SGSM1: variants seen among roughly 807,000 people sequenced by gnomAD.
The protein encoded by SGSM1 is small G protein signaling modulator 1.
Under a neutral mutation model 133.8 loss-of-function variants are expected in SGSM1, and 73 were observed. The ratio of observed to expected loss-of-function variants is 0.55; its 90% confidence interval spans 0.45 to 0.66. The LOEUF (loss-of-function observed/expected upper bound fraction) is 0.66, where lower values mean the gene tolerates loss of function less well. Ranked by LOEUF, SGSM1 falls within the 30% of genes least tolerant of loss-of-function variation. The pLI is 0.00. For missense variants in SGSM1, 1,213 were observed against 1,448.1 expected, an observed-to-expected ratio of 0.84 and a Z score of 2.64; for synonymous variants, 563 against 573.0, an observed-to-expected ratio of 0.98 and a Z score of 0.25.
intron 8 of SGSM1, 88 bp from the exon 9 acceptor site, chr22:24,859,628 T>G: frequency 1.3e-6 from 2 of 1,555,172 alleles, no homozygotes; most frequent in Non-Finnish European, 8.7e-7. Context: ...TTAGTTCTGA[T>G]TATGTGTTCT....
rs1932885838 is a variant in SGSM1 at position 24,895,216 on chromosome 22, T to G, written c.1954-7T>G. On this transcript the variant is annotated splice_polypyrimidine_tract_variant and splice_region_variant and intron_variant, in intron 17 of 24. Transcript: ENST00000400358. ...CCCTCCCTCCCTCCTGCTCTTTCTT[T>G]TCTCAGTCCTCCCAGAGCTGCAGTT... The G allele has an allele frequency of 4.2e-6, 5 of 1,184,334 alleles. No homozygotes were observed. In the African/African-American group the frequency reaches 7.9e-5, roughly 19 times the overall value. 73.4% of individuals were successfully genotyped at this position (1,184,334 alleles called of 1,614,324 possible).
chr22:24,895,283 A>G lies in SGSM1; in HGVS notation c.2014A>G (p.Ser672Gly). The change falls in exon 18 of 25, where the codon AGC (serine) becomes GGC (glycine). Residue 672 changes from serine (S) to glycine (G), a missense_variant. By Grantham distance (56) the Ser-to-Gly change is moderately conservative. Transcript: ENST00000400358. ...CCGCCTGCACAGCGACTCCAGCAGC[A>G]GCACACAGGTGACCTTGTGGAGGCC... is the stretch of plus-strand genomic sequence containing the variant. ...NIRLHSDSSS[S>G]TQVFESVDEV... 6.2e-7 allele frequency: 1 copy of G among 1,611,610 alleles called. No individual in the cohort carries two copies.
intron 23 of SGSM1, 60 bp from the exon 24 acceptor site, chr22:24,919,766 A>C: frequency 6.3e-7 from 1 of 1,594,792 alleles, no homozygotes; most frequent in South Asian, 1.1e-5. Context: ...TTCCCAAGGC[A>C]GGGCAACACT....
chr22:24,809,450 G>A (rs1927606657), intron 2 of SGSM1, among the ~76,000 whole-genome samples: 1 of 152,170 alleles, frequency 6.6e-6, no homozygotes, highest in Non-Finnish European at 1.5e-5. Flanking sequence ...CTTAACAATC[G>A]ACATCTCTAG....
In SGSM1 at chr22:24,898,540, C is replaced by T; in HGVS notation, c.2591C>T (p.Ser864Phe). The change falls in exon 19 of 25, where the codon TCC (serine) becomes TTC (phenylalanine). Residue 864 changes from serine (S) to phenylalanine (F), a missense_variant. Physicochemically the swap from Ser to Phe is radical, Grantham distance 155. Coordinates refer to ENST00000400358, the MANE Select transcript of SGSM1 (RefSeq NM_001098497.3). ...TSANEVSPVS[S>F]SGVTYSPELL... is the part of the protein sequence containing the mutation. ...GCCAACGAGGTGTCCCCTGTGTCTT[C>T]CAGCGGCGTCACCTACTCTGTAAGT... is the stretch of plus-strand genomic sequence containing the variant. 1 of 1,607,284 alleles carries T rather than the reference C, an allele frequency of 6.2e-7. No homozygotes were observed. The highest frequency in any genetic ancestry group is 8.5e-7 in the Non-Finnish European group (1 of 1,176,200).
chr22:24,875,717 C>T (rs917131625), intron 12 of SGSM1, among the ~76,000 whole-genome samples: 6 of 151,614 alleles, frequency 4.0e-5, no homozygotes, highest in Non-Finnish European at 7.4e-5. Context: ...ACCAAGAGGC[C>T]AGGAAGTTGA....
intron 22 of SGSM1, among the ~76,000 whole-genome samples, chr22:24,913,886 G>A (rs1047652383): frequency 1.3e-5 from 2 of 151,992 alleles, no homozygotes; most frequent in Admixed American, 1.3e-4. Flanking sequence ...CCGGGGTGCG[G>A]TGGCTCATGC....
intron 21 of SGSM1, 126 bp downstream of exon 21, chr22:24,905,313 G>C: frequency 1.1e-6 from 1 of 874,188 alleles, no homozygotes; most frequent in South Asian, 1.4e-5. Flanking sequence ...AGGCCTGTCT[G>C]GTGAACACAT....
chr22:24,879,605 A>G (rs1932216077), intron 14 of SGSM1, 79 bp downstream of exon 14: 1 of 1,390,794 alleles, frequency 7.2e-7, no homozygotes, highest in Non-Finnish European at 1.0e-6. Context: ...ATATCAAAAG[A>G]TACTGGCTCT....
At chr22:24,915,643 A>T (rs1933795474) in intron 22 of SGSM1, among the ~76,000 whole-genome samples, 1 of 152,176 alleles carries the variant, frequency 6.6e-6, no homozygotes, top group South Asian at 2.1e-4. Context: ...AAGAAAATAG[A>T]GTTTGTGGAA....
At chr22:24,887,656 G>C (rs1932695044) in intron 16 of SGSM1, among the ~76,000 whole-genome samples, 1 of 150,924 alleles carries the variant, frequency 6.6e-6, no homozygotes, top group Non-Finnish European at 1.5e-5. Context: ...TATGAAACTG[G>C]CAAACTTTCA....
chr22:24,857,158 C>T (rs562548492), intron 8 of SGSM1, among the ~76,000 whole-genome samples: 3 of 150,908 alleles, frequency 2.0e-5, no homozygotes, highest in African/African-American at 7.3e-5. Flanking sequence ...AATCCCAGCA[C>T]TTTGGGAAGC....
intron 2 of SGSM1, among the ~76,000 whole-genome samples, chr22:24,807,001 C>G (rs547376363): frequency 2.6e-5 from 4 of 152,212 alleles, no homozygotes; most frequent in Middle Eastern, 3.4e-3. Flanking sequence ...GGGACTCCCT[C>G]CCTGAGAGTC....
At chr22:24,843,064 C>T (rs1929898603) in intron 2 of SGSM1, among the ~76,000 whole-genome samples, 1 of 152,198 alleles carries the variant, frequency 6.6e-6, no homozygotes, top group Non-Finnish European at 1.5e-5. Flanking sequence ...GTTTCAATTT[C>T]TACTCTGCTC....
At chr22:24,920,260 G>A (rs1449997106) in intron 24 of SGSM1, among the ~76,000 whole-genome samples, 1 of 152,164 alleles carries the variant, frequency 6.6e-6, no homozygotes, top group Non-Finnish European at 1.5e-5. Flanking sequence ...GACCAGCTGT[G>A]CCCATGGTCA....
At position 24,806,331 on chromosome 22, in the gene SGSM1, C is replaced by G; in HGVS notation, c.6C>G (p.Ala2=). M[A]SAPAEAETRQ... ...GGAACGCAGCGCTCGGAGCCATGGC[C>G]TCGGCCCCCGCGGGTAAGAGGCCGC... Residue 2 remains alanine, a synonymous_variant, in exon 1 of 25, where the codon GCC becomes GCG. Coordinates refer to ENST00000400358, the MANE Select transcript of SGSM1 (RefSeq NM_001098497.3). The G allele has an allele frequency of 6.8e-7, 1 of 1,473,786 alleles. No homozygotes were observed. The highest frequency in any genetic ancestry group is 9.0e-7 in the Non-Finnish European group (1 of 1,115,210). 91.3% of individuals were successfully genotyped at this position (1,473,786 alleles called of 1,614,324 possible). A position where few individuals can be genotyped will look rare whatever the true frequency, so the allele number is the denominator to read the frequency against.
chr22:24,872,929 A>AG (rs1484747290), intron 12 of SGSM1, among the ~76,000 whole-genome samples: 1 of 151,944 alleles, frequency 6.6e-6, no homozygotes, highest in Non-Finnish European at 1.5e-5. Context: ...AAAAAAAAAA[A>AG]AGAAATTTTT....
rs970458477 is a variant in SGSM1 at position 24,854,385 on chromosome 22, G to A, written c.456-611G>A. On this transcript the variant is annotated intron_variant, in intron 5 of 24. Transcript: ENST00000400358. ...GGGAGATGTGGTAGAGGCAGATAGA[G>A]TCAGCCAGGCCTCCACAACCTGCTA... Among the ~76,000 whole-genome samples, 7 of 152,328 alleles carry A rather than the reference G, an allele frequency of 4.6e-5. No homozygotes were observed. In the South Asian group the frequency reaches 6.2e-4, roughly 14 times the overall value.
At chr22:24,833,917 T>C (rs988105683) in intron 2 of SGSM1, among the ~76,000 whole-genome samples, 3 of 152,208 alleles carry the variant, frequency 2.0e-5, no homozygotes, top group African/African-American at 7.2e-5. Context: ...GCTAGAACTT[T>C]CCAAGGTTGG....
Sources: allele counts gnomAD v4.1 joint callset (sites outside exome capture counted in the v4.1 genomes callset), GRCh38; gene constraint gnomAD v4.1.1; transcripts MANE v1.5; gene names NCBI Gene and HGNC (gene_info 2026-07-23, HGNC 2026-07-21).